The following TOB2 variants were observed in gnomAD, a reference collection of about 807,000 sequenced individuals.
The protein encoded by TOB2 is protein Tob2.
Under a neutral mutation model 17.3 loss-of-function variants are expected in TOB2, and 3 were observed. The observed-to-expected ratio is 0.17, with a 90% CI of 0.08 to 0.45. The LOEUF (loss-of-function observed/expected upper bound fraction) is 0.45, where lower values mean the gene tolerates loss of function less well. TOB2 is among the 20% of genes least tolerant of loss of function. TOB2 has a pLI of 0.99. For synonymous variants in TOB2, 163 were observed against 185.6 expected (o/e 0.88, Z 0.99); for missense variants, 407 against 445.7 (o/e 0.91, Z 0.78).
At chr22:41,443,910 G>GCCAC (rs2037649853) in intron 1 of TOB2, among the ~76,000 whole-genome samples, 1 of 152,202 alleles carries the variant, frequency 6.6e-6, no homozygotes, top group Non-Finnish European at 1.5e-5. Flanking sequence ...ACAGGCGTGA[G>GCCAC]CCACCGCACC....
At chr22:41,445,728 A>G (rs1308387312) in intron 1 of TOB2, among the ~76,000 whole-genome samples, 1 of 152,204 alleles carries the variant, frequency 6.6e-6, no homozygotes, top group African/African-American at 2.4e-5. Context: ...GATAAGCAGA[A>G]TCCACTCACT....
chr22:41,436,165 C>T lies in TOB2; in HGVS notation c.*146G>A, dbSNP rs1457124729. 1.9e-5 allele frequency: 22 copies of T among 1,151,132 alleles called. No individual in the cohort carries two copies. Among genetic ancestry groups the T allele is most frequent in the Admixed American group, 3.1e-5 (1 of 32,666 alleles). The allele number at this position is 1,151,132 out of a possible 1,614,324, so 71.3% of individuals were successfully genotyped here. A position where few individuals can be genotyped will look rare whatever the true frequency, so the allele number is the denominator to read the frequency against. ...GGTGCTTTGCAGGGCCCTCCCATTCCGTGCCTGGGCTGGATCTTTTTTCTA... is the reference window on the plus strand; with the variant it reads ...GGTGCTTTGCAGGGCCCTCCCATTCTGTGCCTGGGCTGGATCTTTTTTCTA... On this transcript the variant is annotated 3_prime_UTR_variant, in exon 2 of 2. Coordinates refer to ENST00000327492, the MANE Select transcript of TOB2 (RefSeq NM_016272.4). This position sits in a 1 kb window ranked among gnomAD's most constrained non-coding sequence, Gnocchi z 4.8.
chr22:41,436,485 TCCAAAC>T lies in TOB2; in HGVS notation c.855_860del (p.Phe286_Gly287del). 1 of 1,613,914 alleles carries T rather than the reference TCCAAAC, an allele frequency of 6.2e-7. No homozygotes were observed. The highest frequency in any genetic ancestry group is 8.5e-7 in the Non-Finnish European group (1 of 1,179,928). On this transcript the variant is annotated inframe_deletion, in exon 2 of 2. Transcript: ENST00000327492. The surrounding 1 kb of genome is among the most constrained non-coding windows in gnomAD (Gnocchi z 4.8). ...TGTTGCAGGTGCCAGCCCCACTGCCTCCAAACGGGCCTGGGGTGCCGCTGCCCTGGC... is the reference window on the plus strand; with the variant it reads ...TGTTGCAGGTGCCAGCCCCACTGCCTGGGCCTGGGGTGCCGCTGCCCTGGC...
chr22:41,439,520 T>C (rs1335052269), intron 1 of TOB2, among the ~76,000 whole-genome samples: 2 of 148,856 alleles, frequency 1.3e-5, no homozygotes, highest in African/African-American at 2.6e-5. Context: ...TGTATGTATG[T>C]ATGTATGTAT....
chr22:41,436,862 G>T lies in TOB2; in HGVS notation c.484C>A (p.Pro162Thr). ...GAGCGGGGAATGAAGGTAGGGCTGGGTGACTGGCCAAAGGATGGCGATGGG... is the reference window on the plus strand; with the variant it reads ...GAGCGGGGAATGAAGGTAGGGCTGGTTGACTGGCCAAAGGATGGCGATGGG... ...NSPSPSFGQSPSPTFIPRSAQ... is the reference protein window; with the variant it reads ...NSPSPSFGQSTSPTFIPRSAQ... Residue 162 changes from proline (P) to threonine (T), a missense_variant, in exon 2 of 2, where the codon CCC becomes ACC. Transcript: ENST00000327492. This position sits in a 1 kb window ranked among gnomAD's most constrained non-coding sequence, Gnocchi z 4.8. 1 of 1,614,202 alleles carries T rather than the reference G, an allele frequency of 6.2e-7. No homozygotes were observed. The highest frequency in any genetic ancestry group is 8.5e-7 in the Non-Finnish European group (1 of 1,180,048).
At chr22:41,441,521 G>A (rs2037620585) in intron 1 of TOB2, among the ~76,000 whole-genome samples, 1 of 152,080 alleles carries the variant, frequency 6.6e-6, no homozygotes, top group Non-Finnish European at 1.5e-5. Flanking sequence ...GCTCACACCT[G>A]TAATCCCAGC....
chr22:41,445,793 A>G (rs2037677990), intron 1 of TOB2, among the ~76,000 whole-genome samples: 1 of 152,276 alleles, frequency 6.6e-6, no homozygotes, highest in South Asian at 2.1e-4. Context: ...AACACTTAAG[A>G]GTATAAAGAG....
At position 41,437,114 on chromosome 22, in the gene TOB2, C is replaced by A; in HGVS notation, c.232G>T (p.Ala78Ser). Residue 78 changes from alanine to serine, a missense_variant, in exon 2 of 2, where the codon GCG (alanine) becomes TCG (serine). Physicochemically the swap from Ala to Ser is moderately conservative, Grantham distance 99. Coordinates refer to ENST00000327492, the MANE Select transcript of TOB2 (RefSeq NM_016272.4). ...VELAAKRSGL[A>S]VEDVRANVPE... ...ACATTGGCCCGCACATCTTCCACCGCCAGGCCACTCCGCTTGGCGGCCAGC... is the reference window on the plus strand; with the variant it reads ...ACATTGGCCCGCACATCTTCCACCGACAGGCCACTCCGCTTGGCGGCCAGC... The A allele has an allele frequency of 6.2e-7, 1 of 1,614,164 alleles. No individual in the cohort carries two copies. The highest frequency in any genetic ancestry group is 1.1e-5 in the South Asian group (1 of 91,078).
chr22:41,436,239 C>T lies in TOB2; in HGVS notation c.*72G>A. 1.4e-6 allele frequency: 2 copies of T among 1,473,352 alleles called. No homozygotes were observed. Among genetic ancestry groups the T allele is most frequent in the Non-Finnish European group, 9.0e-7 (1 of 1,113,718 alleles). The allele number at this position is 1,473,352 out of a possible 1,614,324, so 91.3% of individuals were successfully genotyped here. On this transcript the variant is annotated 3_prime_UTR_variant, in exon 2 of 2. Coordinates refer to ENST00000327492, the MANE Select transcript of TOB2 (RefSeq NM_016272.4). The surrounding 1 kb of genome is among the most constrained non-coding windows in gnomAD (Gnocchi z 4.8). ...AATCTTTTTGTACATTTTTCTTTTC[C>T]TCTTTTTTTTGGCCTTTCCTTTCTC...
At chr22:41,439,408 C>T (rs191395851) in intron 1 of TOB2, among the ~76,000 whole-genome samples, 127 of 152,232 alleles carry the variant, frequency 8.3e-4, no homozygotes, top group African/African-American at 3.0e-3. Flanking sequence ...AAACACCTGC[C>T]CCAACACATT....
chr22:41,445,025 AG>A (rs2037666807), intron 1 of TOB2, among the ~76,000 whole-genome samples: 1 of 152,222 alleles, frequency 6.6e-6, no homozygotes, highest in Non-Finnish European at 1.5e-5. Context: ...AGGAAAGGAA[AG>A]GCAGGAATCA....
At chr22:41,445,289 T>C (rs2037670980) in intron 1 of TOB2, among the ~76,000 whole-genome samples, 1 of 152,240 alleles carries the variant, frequency 6.6e-6, no homozygotes, top group South Asian at 2.1e-4. Flanking sequence ...ACGACCAGAC[T>C]TACCAGATCC....
In TOB2 at chr22:41,444,719, C is replaced by T. The variant is rs563436850; in HGVS notation, c.-63+1660G>A. On this transcript the variant is annotated intron_variant, in intron 1 of 1. Coordinates refer to ENST00000327492, the MANE Select transcript of TOB2 (RefSeq NM_016272.4). Reference sequence around the variant, plus strand: ...GTAGATTCTACCCAAAAGGCCTACTCCCCGTATTGTATGGCCCCACCACAT... The same window carrying T: ...GTAGATTCTACCCAAAAGGCCTACTTCCCGTATTGTATGGCCCCACCACAT... Among the ~76,000 whole-genome samples, 63 of 152,340 alleles carry T rather than the reference C, an allele frequency of 4.1e-4. 1 individual carries two copies. Among genetic ancestry groups the T allele is most frequent in the Non-Finnish European group, 8.1e-4 (55 of 68,022 alleles).
chr22:41,438,630 C>CAAAAAAAAAAAAAAAAAAAA lies in TOB2; in HGVS notation c.-62-1243_-62-1224dup, dbSNP rs749494672. Among the ~76,000 whole-genome samples, 10 of 12,692 alleles carry CAAAAAAAAAAAAAAAAAAAA rather than the reference C, an allele frequency of 7.9e-4. 3 individuals are homozygous for CAAAAAAAAAAAAAAAAAAAA. The highest frequency in any genetic ancestry group is 3.4e-3 in the East Asian group (1 of 296). The allele number at this position is 12,692 out of a possible 152,430, so 8.3% of individuals were successfully genotyped here. Reference sequence around the variant, plus strand: ...GGGCAACAAGAGCGAAACTCTGTCTCAAAAAAAAAAAAAAAAAAAAAAAAA... The same window carrying CAAAAAAAAAAAAAAAAAAAA: ...GGGCAACAAGAGCGAAACTCTGTCTCAAAAAAAAAAAAAAAAAAAAAAAAAAAAAAAAAAAAAAAAAAAAA... On this transcript the variant is annotated intron_variant, in intron 1 of 1. Coordinates refer to ENST00000327492, the MANE Select transcript of TOB2 (RefSeq NM_016272.4).
Position 41,435,686 on chromosome 22 carries a change from C to G in TOB2, c.*625G>C, listed in dbSNP as rs148068050. On this transcript the variant is annotated 3_prime_UTR_variant, in exon 2 of 2. Transcript: ENST00000327492. ...CTCCCTGTAGTCACAGACATCAGCT[C>G]CAGGGGGAGGGTGTCAAGTGGCCAG... The G allele has an allele frequency of 5.2e-5, 8 of 152,984 alleles. No homozygotes were observed. Among genetic ancestry groups the G allele is most frequent in the African/African-American group, 1.9e-4 (8 of 41,584 alleles). 9.5% of individuals were successfully genotyped at this position (152,984 alleles called of 1,614,324 possible).
chr22:41,438,218 C>A (rs2037575084), intron 1 of TOB2, among the ~76,000 whole-genome samples: 1 of 152,146 alleles, frequency 6.6e-6, no homozygotes, highest in Admixed American at 6.5e-5. Flanking sequence ...GGTCACTGAA[C>A]AGGAAAGAGC....
intron 1 of TOB2, among the ~76,000 whole-genome samples, chr22:41,442,615 T>G (rs1769277643): frequency 6.6e-6 from 1 of 152,178 alleles, no homozygotes; most frequent in South Asian, 2.1e-4. Context: ...GGTGGAACCT[T>G]ACAAAAATGA....
intron 1 of TOB2, among the ~76,000 whole-genome samples, chr22:41,439,240 C>T (rs768872140): frequency 3.9e-5 from 6 of 152,234 alleles, no homozygotes; most frequent in Admixed American, 2.6e-4. Flanking sequence ...CAAGGCTGTG[C>T]TGCTGAGCTA....
Position 41,436,802 on chromosome 22 carries a change from C to A in TOB2, c.544G>T (p.Ala182Ser). ...QPITFTTASFAATKFGSTKMK... is the reference protein window; with the variant it reads ...QPITFTTASFSATKFGSTKMK... Reference sequence around the variant, plus strand: ...TTAGTGGAGCCAAATTTGGTGGCAGCGAAGGAGGCGGTGGTGAAGGTGATG... The same window carrying A: ...TTAGTGGAGCCAAATTTGGTGGCAGAGAAGGAGGCGGTGGTGAAGGTGATG... The change falls in exon 2 of 2, where the codon GCT (alanine) becomes TCT (serine). Residue 182 changes from alanine to serine, a missense_variant. Transcript: ENST00000327492. The surrounding 1 kb of genome is among the most constrained non-coding windows in gnomAD (Gnocchi z 4.8). 2 of 1,613,918 alleles carry A rather than the reference C, an allele frequency of 1.2e-6. No individual in the cohort carries two copies. Among genetic ancestry groups the A allele is most frequent in the Non-Finnish European group, 1.7e-6 (2 of 1,179,912 alleles).
Sources: gnomAD v4.1 joint callset for allele counts (sites outside exome capture counted in the v4.1 genomes callset) on GRCh38, gnomAD v4.1.1 for gene constraint, Gnocchi (gnomAD v3.1) non-coding constraint, MANE v1.5 for transcripts, NCBI Gene and HGNC (gene_info 2026-07-23, HGNC 2026-07-21) for gene names.